Variants in BLOC1S3 observed in about 807,000 individuals in gnomAD.
BLOC1S3 encodes the protein biogenesis of lysosome-related organelles complex 1 subunit 3.
BLOC1S3 carries 7 observed loss-of-function variants against 9.1 expected under a neutral mutation model. The observed-to-expected ratio is 0.77, with a 90% CI of 0.44 to 1.45. The LOEUF (loss-of-function observed/expected upper bound fraction) is 1.45, where lower values mean the gene tolerates loss of function less well. Ranked by LOEUF, BLOC1S3 falls within the 40% of genes most tolerant of loss-of-function variation. The pLI, the probability that BLOC1S3 is intolerant of heterozygous loss-of-function variation, is 0.01. For synonymous variants in BLOC1S3, 145 were observed against 158.4 expected (o/e 0.92, Z 0.64); for missense variants, 307 against 315.2 (o/e 0.97, Z 0.20).
intron 3 of BLOC1S3, chr19:45,213,479 C>G: frequency 8.6e-7 from 1 of 1,166,564 alleles, no homozygotes; most frequent in Non-Finnish European, 1.2e-6. Flanking sequence ...TCTGGGGCCT[C>G]TGTGTCCCCT....
chr19:45,193,975 T>C (rs1159540004), intron 2 of BLOC1S3, among the ~76,000 whole-genome samples: 1 of 117,250 alleles, frequency 8.5e-6, no homozygotes, highest in African/African-American at 3.4e-5. Flanking sequence ...GCTAATTTTT[T>C]TGTATTTTTA....
chr19:45,210,501 G>A (rs1279333122), intron 3 of BLOC1S3, among the ~76,000 whole-genome samples: 1 of 151,382 alleles, frequency 6.6e-6, no homozygotes, highest in East Asian at 1.9e-4. Context: ...GTTTCTCCAC[G>A]TTGGCCAGGC....
rs544133520 is a variant in BLOC1S3, at chr19:45,202,128, C to T, written n.181-278C>T. Among the ~76,000 whole-genome samples, 13 of 142,330 alleles carry T rather than the reference C, an allele frequency of 9.1e-5. No individual in the cohort carries two copies. The East Asian group carries it at 2.3e-3, about 25-fold the overall frequency. The allele number at this position is 142,330 out of a possible 152,430, so 93.4% of individuals were successfully genotyped here. ...TCTGGAGGCTGAGGCAGGAGAATGG[C>T]GTGAACCCGGGAGGCAGAGCTTGCA... On this transcript the variant is annotated intron_variant and non_coding_transcript_variant, in intron 2 of 3. Transcript: ENST00000591569.
chr19:45,184,933 G>GAAAAAAAAAA (rs1969555970), downstream of BLOC1S3, among the ~76,000 whole-genome samples: 5 of 124,132 alleles, frequency 4.0e-5, no homozygotes, highest in Non-Finnish European at 5.4e-5. Flanking sequence ...AAAAAAAAAG[G>GAAAAAAAAAA]AAGGAAGGGA....
At chr19:45,195,203 C>T (rs1217764661) in intron 2 of BLOC1S3, among the ~76,000 whole-genome samples, 1 of 151,950 alleles carries the variant, frequency 6.6e-6, no homozygotes, top group African/African-American at 2.4e-5. Context: ...GCCACCGCGC[C>T]TGGCCAATTT....
Position 45,179,662 on chromosome 19 carries a change from C to G in BLOC1S3, c.366C>G (p.His122Gln), listed in dbSNP as rs571269735. Reference sequence around the variant, plus strand: ...CGGAGAGCCAGGCGCGGCTGGACCACGACGTGGCGGCCGCCGTGAGCGGTG... The same window carrying G: ...CGGAGAGCCAGGCGCGGCTGGACCAGGACGTGGCGGCCGCCGTGAGCGGTG... ...RLAESQARLD[H>Q]DVAAAVSGVY... Residue 122 changes from histidine to glutamine, a missense_variant, in exon 2 of 2, where the codon CAC becomes CAG. By Grantham distance (24) the His-to-Gln change is conservative (BLOSUM62 0). Transcript: ENST00000433642. The surrounding 1 kb of genome is among the most constrained non-coding windows in gnomAD (Gnocchi z 4.6). 6.8e-7 allele frequency: 1 copy of G among 1,467,936 alleles called. No individual in the cohort carries two copies. Among genetic ancestry groups the G allele is most frequent in the Non-Finnish European group, 9.0e-7 (1 of 1,115,664 alleles). 90.9% of individuals were successfully genotyped at this position (1,467,936 alleles called of 1,614,324 possible).
intron 2 of BLOC1S3, among the ~76,000 whole-genome samples, chr19:45,196,813 A>G (rs969421099): frequency 5.3e-5 from 8 of 151,750 alleles, no homozygotes; most frequent in African/African-American, 1.9e-4. Flanking sequence ...AGGCAGGAGA[A>G]TGGCGTGAAC....
chr19:45,190,823 TGA>T (rs1485803782), intron 2 of BLOC1S3, among the ~76,000 whole-genome samples: 5 of 141,920 alleles, frequency 3.5e-5, no homozygotes, highest in African/African-American at 9.9e-5. Flanking sequence ...TTTTATTTTT[TGA>T]GAGAGAGTCT....
At chr19:45,201,970 T>G (rs948019464) in intron 2 of BLOC1S3, among the ~76,000 whole-genome samples, 1 of 151,974 alleles carries the variant, frequency 6.6e-6, no homozygotes, top group Non-Finnish European at 1.5e-5. Flanking sequence ...ACGCCTGTAA[T>G]CCCAGCACTT....
rs1263604709 is a variant in BLOC1S3 at position 45,216,808 on chromosome 19, G to A, written n.415G>A. ...CCTGCATTCTTTCTTACATCTGCATGTGAATCTACAATTATCTCAAAAATT... is the reference window on the plus strand; with the variant it reads ...CCTGCATTCTTTCTTACATCTGCATATGAATCTACAATTATCTCAAAAATT... On this transcript the variant is annotated non_coding_transcript_exon_variant, in exon 4 of 4. Transcript: ENST00000591569. 3 of 152,114 alleles carry A rather than the reference G, an allele frequency of 2.0e-5. No homozygotes were observed. The East Asian group carries it at 5.8e-4, about 29-fold the overall frequency. The allele number at this position is 152,114 out of a possible 1,614,324, so 9.4% of individuals were successfully genotyped here.
At chr19:45,211,577 T>G (rs1296939838) in intron 3 of BLOC1S3, among the ~76,000 whole-genome samples, 1 of 150,262 alleles carries the variant, frequency 6.7e-6, no homozygotes, top group South Asian at 2.1e-4. Context: ...CCTCAGGACA[T>G]TCTTGCCTCA....
chr19:45,198,997 T>G (rs1969669748), intron 2 of BLOC1S3: 1 of 152,090 alleles, frequency 6.6e-6, no homozygotes, highest in African/African-American at 2.4e-5. Context: ...CGTGAACCAC[T>G]GCACACGGCC....
intron 2 of BLOC1S3, among the ~76,000 whole-genome samples, chr19:45,191,286 C>T (rs1969605892): frequency 6.6e-6 from 1 of 151,676 alleles, no homozygotes; most frequent in Admixed American, 6.6e-5. Context: ...CCACGCCCAG[C>T]TAATTTTGTA....
intron 2 of BLOC1S3, among the ~76,000 whole-genome samples, chr19:45,197,358 G>A (rs566044883): frequency 3.3e-5 from 5 of 150,980 alleles, no homozygotes; most frequent in African/African-American, 1.2e-4. Context: ...GTGGTGGCAG[G>A]TGCCTGTAAT....
chr19:45,213,768 A>G (rs1261475876), intron 3 of BLOC1S3, among the ~76,000 whole-genome samples: 8 of 151,734 alleles, frequency 5.3e-5, no homozygotes, highest in Admixed American at 2.0e-4. Context: ...AACATGGCGA[A>G]ACCCTCTCTC....
chr19:45,213,490 C>T, intron 3 of BLOC1S3: 5 of 1,003,446 alleles, frequency 5.0e-6, no homozygotes, highest in Non-Finnish European at 7.2e-6. Flanking sequence ...TGTGTCCCCT[C>T]CAGAGCCTTC....
At chr19:45,209,617 T>C (rs1969753277) in intron 3 of BLOC1S3, among the ~76,000 whole-genome samples, 2 of 151,722 alleles carry the variant, frequency 1.3e-5, no homozygotes, top group Non-Finnish European at 2.9e-5. Flanking sequence ...GAGACGAGGT[T>C]TCACCGTGTT....
chr19:45,216,374 A>C (rs1350088620), intron 3 of BLOC1S3, among the ~76,000 whole-genome samples: 2 of 152,048 alleles, frequency 1.3e-5, no homozygotes, highest in Non-Finnish European at 1.5e-5. Flanking sequence ...AGGTCAGGAC[A>C]TCGAGACCAA....
chr19:45,209,643 G>A (rs760497990), intron 3 of BLOC1S3, among the ~76,000 whole-genome samples: 15 of 150,388 alleles, frequency 1.0e-4, no homozygotes, highest in Non-Finnish European at 1.5e-4. Context: ...GGATGGTCTC[G>A]ATCTCCTGAT....
Sources: gnomAD v4.1 joint callset for allele counts (sites outside exome capture counted in the v4.1 genomes callset) on GRCh38, gnomAD v4.1.1 for gene constraint, Gnocchi (gnomAD v3.1) non-coding constraint, MANE v1.5 for transcripts, NCBI Gene and HGNC (gene_info 2026-07-23, HGNC 2026-07-21) for gene names.